Variants in ZRANB3 observed in about 807,000 individuals in gnomAD.
ZRANB3 encodes zinc finger RANBP2-type containing 3, also known as DNA annealing helicase and endonuclease ZRANB3.
Under a neutral mutation model 133.8 loss-of-function variants are expected in ZRANB3, and 125 were observed. That is an observed-to-expected ratio of 0.93 (90% confidence interval 0.81 to 1.08). The LOEUF is 1.08. Ranked by LOEUF, ZRANB3 falls within the 50% of genes least tolerant of loss-of-function variation. The pLI is 0.00. For missense variants in ZRANB3, 1,229 were observed against 1,275.5 expected (o/e 0.96, Z 0.56); for synonymous variants, 387 against 432.7 (o/e 0.89, Z 1.31).
chr2:135,511,865 G>A lies in ZRANB3; in HGVS notation c.-7-7369C>T. The A allele has an allele frequency of 5.2e-6, 4 of 763,826 alleles. No individual in the cohort carries two copies. The South Asian group carries it at 5.4e-5, about 10-fold the overall frequency. The allele number at this position is 763,826 out of a possible 1,614,324, so 47.3% of individuals were successfully genotyped here. A position where few individuals can be genotyped will look rare whatever the true frequency, so the allele number is the denominator to read the frequency against. On this transcript the variant is annotated intron_variant, in intron 1 of 20. Transcript: ENST00000264159. The stretch of plus-strand genomic sequence containing the variant: ...CCATAAAATCTATGCAGCATGTCTG[G>A]GGCCTAGTTCAGCAGTGTGTAATGC...
In ZRANB3 at chr2:135,230,865, C is replaced by A. The variant is rs769675112; in HGVS notation, c.1602G>T (p.Gln534His). 1.5e-5 allele frequency: 24 copies of A among 1,598,714 alleles called. 1 individual carries two copies. In the African/African-American group the frequency reaches 3.1e-4, roughly 21 times the overall value. The change falls in exon 13 of 21, where the codon CAG (glutamine) becomes CAT (histidine). Residue 534 changes from glutamine (Q) to histidine (H), a missense_variant. Transcript: ENST00000264159. ...SFFVPQPKKR[Q>H]LMTSCDESKR... ...TTGATTCGTCACAGGAGGTCATCAA[C>A]TGTCTTTTTTTAGGTTGTGGTACAA...
chr2:135,523,271 C>A lies in ZRANB3; in HGVS notation c.-8+7856G>T, dbSNP rs555246836. Among the ~76,000 whole-genome samples the A allele has an allele frequency of 1.0e-3, 156 of 152,296 alleles. 1 individual carries two copies. The highest frequency in any genetic ancestry group is 3.5e-3 in the African/African-American group (147 of 41,574). On this transcript the variant is annotated intron_variant, in intron 1 of 20. Transcript: ENST00000264159. The stretch of plus-strand genomic sequence containing the variant: ...GTATCTCAAGTCTATCCTTTTCCCC[C>A]CCAAGTTCCACTGCTATCACCAAAT...
At chr2:135,246,433 T>TCTACA (rs1462678789) in intron 12 of ZRANB3, among the ~76,000 whole-genome samples, 1 of 152,222 alleles carries the variant, frequency 6.6e-6, no homozygotes, top group Non-Finnish European at 1.5e-5. Flanking sequence ...TTGCTACAGC[T>TCTACA]GTTAGTAGAT....
chr2:135,423,314 A>G (rs1360404045), intron 2 of ZRANB3, among the ~76,000 whole-genome samples: 1 of 152,102 alleles, frequency 6.6e-6, no homozygotes, highest in Non-Finnish European at 1.5e-5. Flanking sequence ...GGTGCCTGTA[A>G]TCCCTGCTAC....
At chr2:135,427,657 A>G (rs1216419865) in intron 2 of ZRANB3, among the ~76,000 whole-genome samples, 3 of 152,250 alleles carry the variant, frequency 2.0e-5, no homozygotes, top group Non-Finnish European at 4.4e-5. Flanking sequence ...TACTATTCCT[A>G]TGAAACTGCC....
intron 8 of ZRANB3, among the ~76,000 whole-genome samples, chr2:135,291,971 A>G (rs1681766294): frequency 6.6e-6 from 1 of 152,212 alleles, no homozygotes; most frequent in Non-Finnish European, 1.5e-5. Flanking sequence ...TATATGTGCC[A>G]CATTTTCTTA....
At chr2:135,383,974 G>A (rs1262293504) in intron 3 of ZRANB3, among the ~76,000 whole-genome samples, 1 of 152,028 alleles carries the variant, frequency 6.6e-6, no homozygotes, top group Admixed American at 6.5e-5. Flanking sequence ...GCTAGCAGAA[G>A]GCAAGAAATA....
Position 135,313,517 on chromosome 2 carries a change from C to T in ZRANB3, c.938G>A (p.Arg313His), listed in dbSNP as rs767857886. The change falls in exon 8 of 21, where the codon CGC (arginine) becomes CAC (histidine). Residue 313 changes from arginine (R) to histidine (H), a missense_variant. By Grantham distance (29) the Arg-to-His change is conservative (BLOSUM62 0). Transcript: ENST00000264159. The part of the protein sequence containing the change: ...AMETVMGLIT[R>H]MFKQTAIAKA... ...GGCAATAGCAGTTTGTTTAAACATGCGAGTTATCAACCCCATGACTGTCTC... is the reference window on the plus strand; with the variant it reads ...GGCAATAGCAGTTTGTTTAAACATGTGAGTTATCAACCCCATGACTGTCTC... 3.1e-6 allele frequency: 5 copies of T among 1,613,086 alleles called. No homozygotes were observed. The African/African-American group carries it at 4.0e-5, about 13-fold the overall frequency.
chr2:135,322,972 G>A (rs558317645), intron 6 of ZRANB3, among the ~76,000 whole-genome samples: 31 of 151,598 alleles, frequency 2.0e-4, no homozygotes, highest in African/African-American at 5.8e-4. Flanking sequence ...AGCCAAGATC[G>A]TGCCACTGCA....
chr2:135,530,974 C>T (rs1448630719), intron 1 of ZRANB3, among the ~76,000 whole-genome samples, 153 bp downstream of exon 1: 1 of 152,142 alleles, frequency 6.6e-6, no homozygotes, highest in African/African-American at 2.4e-5. Flanking sequence ...CTGGAGAAAC[C>T]AGGTGTTCGT....
chr2:135,518,745 G>A (rs143980275), intron 1 of ZRANB3, among the ~76,000 whole-genome samples: 1 of 152,266 alleles, frequency 6.6e-6, no homozygotes, highest in Non-Finnish European at 1.5e-5. Context: ...TGTAGTTATG[G>A]AGCTGGGTCA....
chr2:135,219,209 C>T lies in ZRANB3; in HGVS notation c.2251-31G>A, dbSNP rs532828222. ...GATAGATTAGGAAGACACTAATAATCCATTTTTGTATAGGCACTAGTAACT... is the reference window on the plus strand; with the variant it reads ...GATAGATTAGGAAGACACTAATAATTCATTTTTGTATAGGCACTAGTAACT... On this transcript the variant is annotated intron_variant, in intron 15 of 20. Coordinates refer to ENST00000264159, the MANE Select transcript of ZRANB3 (RefSeq NM_032143.4). 4.8e-5 allele frequency: 67 copies of T among 1,385,956 alleles called. 1 individual carries two copies. In the South Asian group the frequency reaches 9.4e-4, roughly 19 times the overall value. 85.9% of individuals were successfully genotyped at this position (1,385,956 alleles called of 1,614,324 possible).
chr2:135,458,825 G>C (rs1299293293), intron 2 of ZRANB3, among the ~76,000 whole-genome samples: 1 of 152,140 alleles, frequency 6.6e-6, no homozygotes, highest in African/African-American at 2.4e-5. Flanking sequence ...TTTTGCTATT[G>C]TAGAAACAGT....
intron 2 of ZRANB3, among the ~76,000 whole-genome samples, chr2:135,471,465 G>T (rs1049617760): frequency 6.6e-6 from 1 of 152,136 alleles, no homozygotes; most frequent in African/African-American, 2.4e-5. Flanking sequence ...AAGCTCCTTG[G>T]CTTCCAAAGA....
At chr2:135,232,067 C>T (rs1695048243) in intron 12 of ZRANB3, among the ~76,000 whole-genome samples, 1 of 152,188 alleles carries the variant, frequency 6.6e-6, no homozygotes, top group African/African-American at 2.4e-5. Flanking sequence ...ACAGATGGCA[C>T]CTGGAAAATC....
At chr2:135,375,823 G>A (rs993840671) in intron 3 of ZRANB3, among the ~76,000 whole-genome samples, 15 of 150,042 alleles carry the variant, frequency 1.0e-4, no homozygotes, top group African/African-American at 2.9e-4. Flanking sequence ...GCCACTGCAC[G>A]CCAGCCTGGG....
chr2:135,510,822 C>A (rs955198368), intron 1 of ZRANB3: 1 of 850,310 alleles, frequency 1.2e-6, no homozygotes, highest in Non-Finnish European at 2.1e-6. Flanking sequence ...TAATTTCCCA[C>A]CACTGTTAAT....
At chr2:135,295,937 T>G (rs1454846357) in intron 8 of ZRANB3, among the ~76,000 whole-genome samples, 1 of 152,226 alleles carries the variant, frequency 6.6e-6, no homozygotes. Context: ...CAGTTTCTGC[T>G]GAAAGATCTG....
chr2:135,234,646 C>T (rs2105074039), intron 12 of ZRANB3, among the ~76,000 whole-genome samples: 1 of 152,242 alleles, frequency 6.6e-6, no homozygotes, highest in South Asian at 2.1e-4. Context: ...CACTCAAAAC[C>T]GCATAACTAC....
Sources: allele counts gnomAD v4.1 joint callset (sites outside exome capture counted in the v4.1 genomes callset), GRCh38; gene constraint gnomAD v4.1.1; transcripts MANE v1.5; gene names NCBI Gene and HGNC (gene_info 2026-07-23, HGNC 2026-07-21).